The following DDX60 variants were observed in gnomAD, a reference collection of about 807,000 sequenced individuals.
DDX60 encodes the protein DExD/H-box helicase 60, also known as probable ATP-dependent RNA helicase DDX60.
In DDX60, 165 loss-of-function variants were observed where a neutral mutation model predicts 212.8. The observed-to-expected ratio is 0.78, with a 90% CI of 0.68 to 0.88. DDX60 has a LOEUF of 0.88. Among genes scored for constraint, DDX60 ranks in the 40% least tolerant of loss-of-function variants. The pLI, the probability that DDX60 is intolerant of heterozygous loss-of-function variation, is 0.00. For missense variants in DDX60, 1,905 were observed against 2,003.9 expected (o/e 0.95, Z 0.94); for synonymous variants, 703 against 685.3 (o/e 1.03, Z -0.40).
intron 25 of DDX60, among the ~76,000 whole-genome samples, chr4:168,256,305 C>T (rs1425103782): frequency 2.0e-5 from 3 of 152,030 alleles, no homozygotes; most frequent in Non-Finnish European, 4.4e-5. Context: ...AAAGATTAAT[C>T]AACAAAAAAT....
chr4:168,309,410 C>T (rs1737033966), intron 3 of DDX60, among the ~76,000 whole-genome samples: 2 of 152,022 alleles, frequency 1.3e-5, no homozygotes, highest in South Asian at 2.1e-4. Context: ...GATAAATAAA[C>T]CTAACGTAAG....
At chr4:168,324,684 AT>A in the DDX60 span, among the ~76,000 whole-genome samples, 1 of 152,208 alleles carries the variant, frequency 6.6e-6, no homozygotes, top group African/African-American at 2.4e-5. Flanking sequence ...TCGCCAAATA[AT>A]TTTCAGGAAT....
At position 168,246,489 on chromosome 4, in the gene DDX60, T is replaced by C. The variant is rs749009342; in HGVS notation, c.4093A>G (p.Ser1365Gly). The change falls in exon 30 of 38, where the codon AGC becomes GGC. Residue 1365 changes from serine to glycine, a missense_variant. Ser to Gly is a moderately conservative substitution (Grantham distance 56). Coordinates refer to ENST00000393743, the MANE Select transcript of DDX60 (RefSeq NM_017631.6). Reference protein sequence around the residue: ...VPELRGHFPLSITLVLRLMLL... With the variant: ...VPELRGHFPLGITLVLRLMLL... ...ATGAGTCGCAGGACCAGGGTTATGC[T>C]GAGAGGGAAGTGTCCTCTCAGCTCA... 1.4e-5 allele frequency: 22 copies of C among 1,613,966 alleles called. No individual in the cohort carries two copies. The highest frequency in any genetic ancestry group is 1.8e-5 in the Non-Finnish European group (21 of 1,179,992).
At position 168,277,786 on chromosome 4, in the gene DDX60, G is replaced by A. The variant is rs183994843; in HGVS notation, c.1979-1605C>T. 4.4e-3 allele frequency among the ~76,000 whole-genome samples: 635 copies of A among 143,660 alleles called. 4 individuals carry two copies. The highest frequency in any genetic ancestry group is 5.7e-3 in the Non-Finnish European group (379 of 66,928). The allele number at this position is 143,660 out of a possible 152,430, so 94.2% of individuals were successfully genotyped here. A position where few individuals can be genotyped will look rare whatever the true frequency, so the allele number is the denominator to read the frequency against. ...ATAGTGCCACTGCACTGCAGCCTGAGCGAAAGAGCGAGACTCCATCTCAAA... is the reference window on the plus strand; with the variant it reads ...ATAGTGCCACTGCACTGCAGCCTGAACGAAAGAGCGAGACTCCATCTCAAA... On this transcript the variant is annotated intron_variant, in intron 14 of 37. Coordinates refer to ENST00000393743, the MANE Select transcript of DDX60 (RefSeq NM_017631.6).
chr4:168,285,238 A>C (rs1735770291), intron 11 of DDX60, among the ~76,000 whole-genome samples, 155 bp downstream of exon 11: 1 of 152,216 alleles, frequency 6.6e-6, no homozygotes. Context: ...GTAATGGCCA[A>C]AAGGCATTGA....
upstream of DDX60, among the ~76,000 whole-genome samples, chr4:168,322,134 T>C (rs1216130802): frequency 6.6e-6 from 1 of 152,216 alleles, no homozygotes; most frequent in Non-Finnish European, 1.5e-5. Context: ...CAATGCTTGT[T>C]TAGTCCCTGT....
At chr4:168,252,853 G>A (rs1208644130) in intron 26 of DDX60, among the ~76,000 whole-genome samples, 197 bp from the exon 27 acceptor site, 1 of 151,990 alleles carries the variant, frequency 6.6e-6, no homozygotes, top group Non-Finnish European at 1.5e-5. Context: ...CACCCAGGCT[G>A]GAGTGTAATG....
chr4:168,220,632 C>A, intron 37 of DDX60, 23 bp downstream of exon 37: 1 of 1,240,776 alleles, frequency 8.1e-7, no homozygotes, highest in South Asian at 1.6e-5. Context: ...AATCTAAAAT[C>A]AATATTTAAA....
In DDX60 at chr4:168,232,932, G is replaced by A. The variant is rs933635467; in HGVS notation, c.4533+3320C>T. On this transcript the variant is annotated intron_variant, in intron 33 of 37. Coordinates refer to ENST00000393743, the MANE Select transcript of DDX60 (RefSeq NM_017631.6). ...GCAGAGTAAACAGACAGCCCACAGA[G>A]TGGGAGAAAATCACAAACTATCCAT... is the stretch of plus-strand genomic sequence containing the variant. Among the ~76,000 whole-genome samples the A allele has an allele frequency of 2.0e-5, 3 of 151,998 alleles. No individual in the cohort carries two copies. The East Asian group carries it at 5.8e-4, about 29-fold the overall frequency.
At chr4:168,255,076 C>T (rs555202936) in intron 26 of DDX60, among the ~76,000 whole-genome samples, 74 of 151,298 alleles carry the variant, frequency 4.9e-4, no homozygotes, top group African/African-American at 1.7e-3. Context: ...CTCTCAAGTC[C>T]AAAAAAAACA....
chr4:168,267,578 C>A lies in DDX60; in HGVS notation c.3039+4G>T, dbSNP rs1734901570. 2.0e-6 allele frequency: 3 copies of A among 1,487,790 alleles called. No individual in the cohort carries two copies. The highest frequency in any genetic ancestry group is 2.8e-5 in the African/African-American group (2 of 71,352). The allele number at this position is 1,487,790 out of a possible 1,614,324, so 92.2% of individuals were successfully genotyped here. On this transcript the variant is annotated splice_donor_region_variant and intron_variant, in intron 22 of 37. Transcript: ENST00000393743. ...AGAACAAATATGGCTAAAATATTAC[C>A]TACATGATCTGTTGTTAGTGCAGCA...
chr4:168,239,923 T>C (rs1733778653), intron 30 of DDX60, among the ~76,000 whole-genome samples: 1 of 152,068 alleles, frequency 6.6e-6, no homozygotes, highest in African/African-American at 2.4e-5. Context: ...AAAATACTTA[T>C]ATGCCCTCTC....
intron 29 of DDX60, among the ~76,000 whole-genome samples, chr4:168,247,918 G>A (rs985007476): frequency 6.6e-6 from 1 of 152,184 alleles, no homozygotes; most frequent in African/African-American, 2.4e-5. Context: ...TGCCGTGGGA[G>A]AGTAATTATT....
chr4:168,263,028 C>T (rs2149512631), intron 22 of DDX60, among the ~76,000 whole-genome samples: 1 of 152,260 alleles, frequency 6.6e-6, no homozygotes, highest in African/African-American at 2.4e-5. Flanking sequence ...TTTCATTGTG[C>T]TAATTTTCTA....
At chr4:168,322,100 G>A (rs186673359), upstream of DDX60, among the ~76,000 whole-genome samples, 1 of 152,224 alleles carries the variant, frequency 6.6e-6, no homozygotes. Context: ...ATCCAATGAG[G>A]ATCCACTAAT....
At position 168,252,544 on chromosome 4, in the gene DDX60, A is replaced by G; in HGVS notation, c.3670T>C (p.Cys1224Arg). ...ACTGCTTTTTGATCAGCATATGTGC[A>G]GTCCTGTGGGATTTCCAGGTTCTTC... The part of the protein sequence containing the change: ...LEKNLEIPQD[C>R]TYADQKAVDT... The change falls in exon 27 of 38, where the codon TGC (cysteine) becomes CGC (arginine). Residue 1224 changes from cysteine to arginine, a missense_variant. Physicochemically the swap from Cys to Arg is radical, Grantham distance 180. Coordinates refer to ENST00000393743, the MANE Select transcript of DDX60 (RefSeq NM_017631.6). The G allele has an allele frequency of 6.2e-7, 1 of 1,614,090 alleles. No individual in the cohort carries two copies. Among genetic ancestry groups the G allele is most frequent in the East Asian group, 2.2e-5 (1 of 44,860 alleles).
At chr4:168,316,775 T>C (rs180833942) in intron 1 of DDX60, among the ~76,000 whole-genome samples, 32 of 151,998 alleles carry the variant, frequency 2.1e-4, no homozygotes, top group African/African-American at 6.8e-4. Flanking sequence ...CAGTGAAGTA[T>C]TGTAGTTCTC....
chr4:168,270,787 T>C (rs1169811541), intron 19 of DDX60, among the ~76,000 whole-genome samples: 1 of 152,132 alleles, frequency 6.6e-6, no homozygotes, highest in African/African-American at 2.4e-5. Flanking sequence ...CCCCTTTGAA[T>C]GTAAAATTCC....
intron 7 of DDX60, 94 bp from the exon 8 acceptor site, chr4:168,292,000 G>T: frequency 4.1e-6 from 3 of 735,054 alleles, no homozygotes; most frequent in Non-Finnish European, 6.2e-6. Context: ...AGCTACCTTT[G>T]CTGTTCAGGA....
Sources: allele counts gnomAD v4.1 joint callset (sites outside exome capture counted in the v4.1 genomes callset), GRCh38; gene constraint gnomAD v4.1.1; transcripts MANE v1.5; gene names NCBI Gene and HGNC (gene_info 2026-07-23, HGNC 2026-07-21).